TMEM138: variants seen among roughly 807,000 people sequenced by gnomAD.
TMEM138 encodes transmembrane protein 138.
Under a neutral mutation model 18.1 loss-of-function variants are expected in TMEM138, and 9 were observed. The observed-to-expected ratio is 0.50, with a 90% CI of 0.30 to 0.87. TMEM138 has a LOEUF of 0.87. Ranked by LOEUF, TMEM138 falls within the 40% of genes least tolerant of loss-of-function variation. The probability of loss-of-function intolerance (pLI) is 0.06; values close to 1 mark genes in which losing one functional copy is unlikely to be tolerated. For missense variants in TMEM138, 189 were observed against 190.6 expected (o/e 0.99, Z 0.05); for synonymous variants, 79 against 74.8 (o/e 1.06, Z -0.29).
chr11:61,362,891 A>G (rs1476481448), intron 1 of TMEM138: 1 of 152,206 alleles, frequency 6.6e-6, no homozygotes, highest in Non-Finnish European at 1.5e-5. Flanking sequence ...AAAGGAAACG[A>G]TCTTGGTTGA....
downstream of TMEM138, among the ~76,000 whole-genome samples, chr11:61,374,134 C>T (rs987599341): frequency 6.8e-4 from 102 of 149,644 alleles, no homozygotes; most frequent in Non-Finnish European, 8.3e-4. Flanking sequence ...TGAGCCACTG[C>T]GCCCAGTCCT....
At chr11:61,366,379 G>C in intron 3 of TMEM138, 163 bp downstream of exon 3, 1 of 740,106 alleles carries the variant, frequency 1.4e-6, no homozygotes, top group South Asian at 2.2e-5. Flanking sequence ...CCAAAGTGCT[G>C]GAATTACAGG....
chr11:61,366,154 G>C lies in TMEM138; in HGVS notation c.238G>C (p.Gly80Arg). 2 of 1,614,168 alleles carry C rather than the reference G, an allele frequency of 1.2e-6. No individual in the cohort carries two copies. Among genetic ancestry groups the C allele is most frequent in the South Asian group, 2.2e-5 (2 of 91,084 alleles). The stretch of plus-strand genomic sequence containing the variant: ...CAACCTCCTATTCCATAAGTTCAAA[G>C]GGACCATCATCCTGACAGCTGTGTA... Reference protein sequence around the residue: ...LVNLLFHKFKGTIILTAVYFA... With the variant: ...LVNLLFHKFKRTIILTAVYFA... The change falls in exon 3 of 5, where the codon GGG becomes CGG. Residue 80 changes from glycine (G) to arginine (R), a missense_variant. By Grantham distance (125) the Gly-to-Arg change is moderately radical. Transcript: ENST00000278826.
At chr11:61,366,417 C>A in intron 3 of TMEM138, 1 of 509,564 alleles carries the variant, frequency 2.0e-6, no homozygotes, top group South Asian at 3.3e-5. Flanking sequence ...GGCCTGAACT[C>A]TGAATTCCTG....
At chr11:61,363,712 A>C (rs1858029760) in intron 1 of TMEM138, 1 of 152,246 alleles carries the variant, frequency 6.6e-6, no homozygotes, top group Admixed American at 6.5e-5. Context: ...TCTATCAATT[A>C]TGTAAGAGAC....
chr11:61,372,465 C>A (rs1242978826), downstream of TMEM138, among the ~76,000 whole-genome samples: 4 of 146,748 alleles, frequency 2.7e-5, no homozygotes, highest in Non-Finnish European at 4.5e-5. Flanking sequence ...CCGTGCCCAG[C>A]CGGAAAACAT....
chr11:61,367,704 T>C, intron 3 of TMEM138: 1 of 530,838 alleles, frequency 1.9e-6, no homozygotes, highest in Non-Finnish European at 3.4e-6. Context: ...AGAGAATAAA[T>C]AACTTAGTTC....
chr11:61,367,627 CAG>C (rs1313071780), intron 3 of TMEM138: 1 of 305,680 alleles, frequency 3.3e-6, no homozygotes, highest in East Asian at 7.2e-5. Context: ...CAAGGCAAGA[CAG>C]TGACCAGCTG....
At chr11:61,376,606 C>G (rs562181600), downstream of TMEM138, among the ~76,000 whole-genome samples, 7 of 152,236 alleles carry the variant, frequency 4.6e-5, no homozygotes, top group African/African-American at 1.7e-4. Context: ...TGAATCTAGA[C>G]AACTTCAGAA....
rs531809637 is a variant in TMEM138, at chr11:61,365,981, A to G, written c.129-64A>G. ...CAGGCCTCGTGGTGTCCCTCAGGAC[A>G]TAGTACCTGCTCTTGGGTCCTCACA... On this transcript the variant is annotated intron_variant, in intron 2 of 4. Transcript: ENST00000278826. 16 of 1,555,328 alleles carry G rather than the reference A, an allele frequency of 1.0e-5. No homozygotes were observed. In the African/African-American group the frequency reaches 1.4e-4, roughly 13 times the overall value.
In TMEM138 at chr11:61,368,865, C is replaced by G; in HGVS notation, c.*156C>G. The G allele has an allele frequency of 3.1e-6, 2 of 645,630 alleles. No individual in the cohort carries two copies. The highest frequency in any genetic ancestry group is 5.6e-6 in the Non-Finnish European group (2 of 358,318). The allele number at this position is 645,630 out of a possible 1,614,324, so 40.0% of individuals were successfully genotyped here. Reference sequence around the variant, plus strand: ...GCATTCAAGAAGGAAGATCCTCCCTCTTGCACAATTAGAGTGTCCCCATCG... The same window carrying G: ...GCATTCAAGAAGGAAGATCCTCCCTGTTGCACAATTAGAGTGTCCCCATCG... On this transcript the variant is annotated 3_prime_UTR_variant, in exon 5 of 5. Transcript: ENST00000278826.
At position 61,364,236 on chromosome 11, in the gene TMEM138, C is replaced by T; in HGVS notation, c.-139-16C>T. ...TTAATACATTTCTAACCTTGCTTAT[C>T]TTTTTGCTCCAACAGGTGCTTGCCT... On this transcript the variant is annotated splice_polypyrimidine_tract_variant and intron_variant, in intron 1 of 4. Coordinates refer to ENST00000278826, the MANE Select transcript of TMEM138 (RefSeq NM_016464.5). The T allele has an allele frequency of 1.2e-6, 1 of 818,124 alleles. No homozygotes were observed. Among genetic ancestry groups the T allele is most frequent in the Non-Finnish European group, 1.9e-6 (1 of 527,718 alleles). 50.7% of individuals were successfully genotyped at this position (818,124 alleles called of 1,614,324 possible).
chr11:61,365,995 TG>T (rs781006618), intron 2 of TMEM138, 49 bp from the exon 3 acceptor site: 11 of 1,573,072 alleles, frequency 7.0e-6, no homozygotes, highest in Non-Finnish European at 9.5e-6. Flanking sequence ...TACCTGCTCT[TG>T]GGTCCTCACA....
At chr11:61,366,471 CTTT>C (rs879154161) in intron 3 of TMEM138, 780 of 260,210 alleles carry the variant, frequency 3.0e-3, no homozygotes, top group Middle Eastern at 6.9e-3. Context: ...CTTTTCTTTT[CTTT>C]TTTTTTTTTT....
chr11:61,374,297 AC>A (rs995052153), downstream of TMEM138, among the ~76,000 whole-genome samples: 6 of 150,186 alleles, frequency 4.0e-5, no homozygotes, highest in Admixed American at 2.0e-4. Context: ...ACAGGCACCC[AC>A]CACCACACCC....
downstream of TMEM138, among the ~76,000 whole-genome samples, chr11:61,374,360 A>G (rs1858408228): frequency 6.6e-6 from 1 of 151,890 alleles, no homozygotes; most frequent in African/African-American, 2.4e-5. Flanking sequence ...CATGTTGGCT[A>G]GGCTGGTCTC....
downstream of TMEM138, among the ~76,000 whole-genome samples, chr11:61,369,810 A>G (rs539581327): frequency 1.9e-4 from 29 of 152,334 alleles, no homozygotes; most frequent in African/African-American, 7.0e-4. Context: ...CTTCCCACAG[A>G]CTAGCCTGGA....
downstream of TMEM138, among the ~76,000 whole-genome samples, chr11:61,373,770 G>A (rs1015108441): frequency 1.3e-5 from 2 of 152,010 alleles, no homozygotes; most frequent in South Asian, 4.2e-4. Flanking sequence ...TCTTTGGGCT[G>A]TATTTGTATA....
At chr11:61,373,414 T>A (rs1858390886), downstream of TMEM138, among the ~76,000 whole-genome samples, 1 of 152,216 alleles carries the variant, frequency 6.6e-6, no homozygotes, top group Non-Finnish European at 1.5e-5. Flanking sequence ...TTATAAAGGC[T>A]TATGGAAGTT....
Sources: gnomAD v4.1 joint callset for allele counts (sites outside exome capture counted in the v4.1 genomes callset) on GRCh38, gnomAD v4.1.1 for gene constraint, MANE v1.5 for transcripts, NCBI Gene and HGNC (gene_info 2026-07-23, HGNC 2026-07-21) for gene names.